The following VTA1 variants were observed in gnomAD, a reference collection of about 807,000 sequenced individuals.
The protein encoded by VTA1 is vacuolar protein sorting-associated protein VTA1 homolog.
In VTA1, 24 loss-of-function variants were observed where a neutral mutation model predicts 36.9. That is an observed-to-expected ratio of 0.65 (90% CI 0.47 to 0.91). The LOEUF (loss-of-function observed/expected upper bound fraction) is 0.91. VTA1 is among the 40% of genes least tolerant of loss of function. The pLI is 0.00. For missense variants in VTA1, 393 were observed against 377.2 expected (o/e 1.04, Z -0.35); for synonymous variants, 142 against 130.2 (o/e 1.09, Z -0.62).
chr6:142,163,381 C>T (rs973313948), intron 1 of VTA1, among the ~76,000 whole-genome samples: 2 of 152,094 alleles, frequency 1.3e-5, no homozygotes, highest in African/African-American at 4.8e-5. Flanking sequence ...ACAGTCTTTC[C>T]TAACTATTTC....
intron 7 of VTA1, among the ~76,000 whole-genome samples, chr6:142,207,636 T>G (rs1775818916): frequency 6.7e-6 from 1 of 149,722 alleles, no homozygotes; most frequent in Admixed American, 6.7e-5. Context: ...GACCTAGCAG[T>G]GAAGATTTGT....
chr6:142,175,972 C>T (rs945097299), intron 4 of VTA1, among the ~76,000 whole-genome samples: 1 of 152,102 alleles, frequency 6.6e-6, no homozygotes, highest in African/African-American at 2.4e-5. Flanking sequence ...TCCATCACAA[C>T]ATTTTAATTA....
intron 1 of VTA1, among the ~76,000 whole-genome samples, chr6:142,153,138 A>G (rs1054673811): frequency 6.6e-6 from 1 of 152,076 alleles, no homozygotes; most frequent in African/African-American, 2.4e-5. Flanking sequence ...CACCTGACAC[A>G]TAAATGGAAT....
At chr6:142,196,213 T>C (rs1007688122) in intron 5 of VTA1, among the ~76,000 whole-genome samples, 1 of 152,214 alleles carries the variant, frequency 6.6e-6, no homozygotes, top group Non-Finnish European at 1.5e-5. Context: ...ATTTTAAAGT[T>C]AGCCACCCCA....
intron 1 of VTA1, among the ~76,000 whole-genome samples, chr6:142,161,085 C>A (rs942752354): frequency 7.1e-6 from 1 of 141,072 alleles, no homozygotes; most frequent in Non-Finnish European, 1.5e-5. Context: ...CCTTCCCCCC[C>A]CCCCCTTTTT....
intron 1 of VTA1, among the ~76,000 whole-genome samples, chr6:142,148,180 C>G (rs1190235876): frequency 6.6e-6 from 1 of 152,186 alleles, no homozygotes; most frequent in Non-Finnish European, 1.5e-5. Flanking sequence ...AATTATAATT[C>G]TGAAAAGGAT....
At chr6:142,188,231 T>G (rs1298502105) in intron 4 of VTA1, among the ~76,000 whole-genome samples, 2 of 96,540 alleles carry the variant, frequency 2.1e-5, no homozygotes, top group African/African-American at 9.2e-5. Flanking sequence ...ATTTCTTTTT[T>G]TTTTTTTTTT....
chr6:142,209,542 CTA>C (rs980142493), intron 7 of VTA1, among the ~76,000 whole-genome samples: 13 of 148,674 alleles, frequency 8.7e-5, no homozygotes, highest in African/African-American at 2.2e-4. Flanking sequence ...TATATATACA[CTA>C]TGTGTATATA....
intron 1 of VTA1, among the ~76,000 whole-genome samples, chr6:142,156,891 C>T (rs1778672773): frequency 6.6e-6 from 1 of 152,152 alleles, no homozygotes; most frequent in Non-Finnish European, 1.5e-5. Flanking sequence ...TTAGCATTAA[C>T]AATCACTTGC....
At chr6:142,194,533 A>AT (rs930802177) in intron 5 of VTA1, among the ~76,000 whole-genome samples, 4 of 152,000 alleles carry the variant, frequency 2.6e-5, no homozygotes, top group African/African-American at 7.2e-5. Context: ...AATGAAATTA[A>AT]TTTTTTAATT....
At chr6:142,169,519 A>G (rs2114644971) in intron 2 of VTA1, 31 bp from the exon 3 acceptor site, 3 of 1,599,418 alleles carry the variant, frequency 1.9e-6, no homozygotes, top group Non-Finnish European at 2.6e-6. Context: ...AGAGTCCAAA[A>G]TCATAAGCTA....
At chr6:142,147,428 T>C in intron 1 of VTA1, 29 bp downstream of exon 1, 1 of 1,602,470 alleles carries the variant, frequency 6.2e-7, no homozygotes, top group Non-Finnish European at 8.5e-7. Flanking sequence ...CCGCGCCCTT[T>C]CTTTCCCAGT....
At chr6:142,149,738 T>C (rs540379348) in intron 1 of VTA1, among the ~76,000 whole-genome samples, 68 of 152,326 alleles carry the variant, frequency 4.5e-4, no homozygotes, top group African/African-American at 1.6e-3. Flanking sequence ...TCTTAGGACT[T>C]AACCTTCTGA....
At chr6:142,208,413 A>G (rs1306448145) in intron 7 of VTA1, among the ~76,000 whole-genome samples, 1 of 152,162 alleles carries the variant, frequency 6.6e-6, no homozygotes, top group East Asian at 1.9e-4. Flanking sequence ...AAAGAGAATG[A>G]AAAGGACTGG....
chr6:142,171,032 A>T (rs1417204465), intron 4 of VTA1, among the ~76,000 whole-genome samples: 1 of 152,158 alleles, frequency 6.6e-6, no homozygotes, highest in African/African-American at 2.4e-5. Flanking sequence ...AAGTATTAAC[A>T]TATTACTAAT....
At chr6:142,197,788 A>G (rs536054087) in intron 5 of VTA1, among the ~76,000 whole-genome samples, 1 of 152,126 alleles carries the variant, frequency 6.6e-6, no homozygotes, top group East Asian at 1.9e-4. Context: ...TTAAAGAAAA[A>G]CATATTCTGG....
At chr6:142,205,375 T>C (rs1028615514) in intron 7 of VTA1, among the ~76,000 whole-genome samples, 2 of 152,234 alleles carry the variant, frequency 1.3e-5, no homozygotes, top group Non-Finnish European at 1.5e-5. Context: ...GAAGGAAGAA[T>C]AGTTAATTAT....
At chr6:142,198,835 A>G in intron 6 of VTA1, 1 of 348,608 alleles carries the variant, frequency 2.9e-6, no homozygotes, top group Non-Finnish European at 5.1e-6. Flanking sequence ...TGCATTGATT[A>G]CTCTTAACCT....
chr6:142,176,582 T>C (rs1775129305), intron 4 of VTA1, among the ~76,000 whole-genome samples: 6 of 151,076 alleles, frequency 4.0e-5, no homozygotes. Flanking sequence ...TCTCAAACTC[T>C]CTGTGATAAA....
Sources: gnomAD v4.1 joint callset for allele counts (sites outside exome capture counted in the v4.1 genomes callset) on GRCh38, gnomAD v4.1.1 for gene constraint, MANE v1.5 for transcripts, NCBI Gene and HGNC (gene_info 2026-07-23, HGNC 2026-07-21) for gene names.